CAPRIN1: variants seen among roughly 807,000 people sequenced by gnomAD.
CAPRIN1 encodes the protein cell cycle associated protein 1.
In CAPRIN1, 29 loss-of-function variants were observed where a neutral mutation model predicts 100.9. The ratio of observed to expected loss-of-function variants is 0.29; its 90% CI spans 0.21 to 0.39. The LOEUF (loss-of-function observed/expected upper bound fraction) is 0.39, where lower values mean the gene tolerates loss of function less well. Among genes scored for constraint, CAPRIN1 ranks in the 10% least tolerant of loss-of-function variants. The pLI, the probability that CAPRIN1 is intolerant of heterozygous loss-of-function variation, is 1.00. For missense variants in CAPRIN1, 795 were observed against 876.7 expected, an observed-to-expected ratio of 0.91 and a Z score of 1.18; for synonymous variants, 338 against 307.5, an observed-to-expected ratio of 1.10 and a Z score of -1.04.
chr11:34,072,576 G>A lies in CAPRIN1; in HGVS notation c.366+589G>A, dbSNP rs536374453. On this transcript the variant is annotated intron_variant, in intron 4 of 18. Coordinates refer to ENST00000341394, the MANE Select transcript of CAPRIN1 (RefSeq NM_005898.5). ...AATTGGTAATTATTCTCTGCTTTAG[G>A]AACCTTAAGGGGTATGGCAAACTGA... 5.3e-5 allele frequency among the ~76,000 whole-genome samples: 8 copies of A among 152,180 alleles called. No individual in the cohort carries two copies. In the South Asian group the frequency reaches 1.7e-3, roughly 32 times the overall value.
At chr11:34,095,617 G>C (rs186625312) in intron 15 of CAPRIN1, among the ~76,000 whole-genome samples, 9 of 152,344 alleles carry the variant, frequency 5.9e-5, no homozygotes, top group Non-Finnish European at 1.2e-4. Context: ...TTGGCCAGCA[G>C]CTTCTGACCC....
At chr11:34,092,336 A>G (rs1404793398) in intron 15 of CAPRIN1, among the ~76,000 whole-genome samples, 5 of 150,352 alleles carry the variant, frequency 3.3e-5, no homozygotes, top group Admixed American at 1.3e-4. Flanking sequence ...TAAATTTGTT[A>G]CTTGAATTAC....
intron 16 of CAPRIN1, among the ~76,000 whole-genome samples, chr11:34,096,955 G>A (rs2092572439): frequency 6.6e-6 from 1 of 152,162 alleles, no homozygotes; most frequent in African/African-American, 2.4e-5. Context: ...TACGGGGATT[G>A]TTTATTATAT....
At chr11:34,070,052 T>C (rs1052210747) in intron 2 of CAPRIN1, among the ~76,000 whole-genome samples, 1 of 152,244 alleles carries the variant, frequency 6.6e-6, no homozygotes, top group Non-Finnish European at 1.5e-5. Flanking sequence ...AGGAACTATG[T>C]ATGTTCATAA....
Position 34,099,324 on chromosome 11 carries a change from C to T in CAPRIN1, c.2087C>T (p.Pro696Leu). Residue 696 changes from proline to leucine, a missense_variant, in exon 19 of 19, where the codon CCC becomes CTC. Pro to Leu is a moderately conservative substitution (Grantham distance 98). Transcript: ENST00000341394. ...APRGRGGPPR[P>L]NRGMPQMNTQ... Reference sequence around the variant, plus strand: ...CTAGGTCGTGGAGGGCCCCCAAGACCCAACAGAGGGATGCCGCAAATGAAC... The same window carrying T: ...CTAGGTCGTGGAGGGCCCCCAAGACTCAACAGAGGGATGCCGCAAATGAAC... 1 of 1,613,666 alleles carries T rather than the reference C, an allele frequency of 6.2e-7. No homozygotes were observed. The highest frequency in any genetic ancestry group is 8.5e-7 in the Non-Finnish European group (1 of 1,179,764).
intron 2 of CAPRIN1, among the ~76,000 whole-genome samples, chr11:34,054,584 C>A (rs968110659): frequency 4.6e-5 from 7 of 152,062 alleles, no homozygotes; most frequent in Non-Finnish European, 8.8e-5. Flanking sequence ...CCTGCCACCA[C>A]GCCCAGCTAA....
At chr11:34,092,141 G>A (rs1851276346) in intron 15 of CAPRIN1, 85 bp downstream of exon 15, 1 of 1,357,852 alleles carries the variant, frequency 7.4e-7, no homozygotes, top group African/African-American at 1.5e-5. Context: ...CTTCAGAGTG[G>A]TGGTGTCCAA....
At chr11:34,082,717 G>A in intron 7 of CAPRIN1, 108 bp from the exon 8 acceptor site, 1 of 750,548 alleles carries the variant, frequency 1.3e-6, no homozygotes, top group Non-Finnish European at 2.3e-6. Flanking sequence ...ATAATTCTCT[G>A]GGTTTGGACA....
Position 34,069,075 on chromosome 11 carries a change from AT to A in CAPRIN1, c.217-2646del, listed in dbSNP as rs1459663443. Among the ~76,000 whole-genome samples, 3 of 151,498 alleles carry A rather than the reference AT, an allele frequency of 2.0e-5. No homozygotes were observed. In the East Asian group the frequency reaches 5.8e-4, roughly 29 times the overall value. Reference sequence around the variant, plus strand: ...CTATTTGCGTATTTTCTGTTTGTATATTTTTAAATAGAGGAATTGTGATTAT... The same window carrying A: ...CTATTTGCGTATTTTCTGTTTGTATATTTTAAATAGAGGAATTGTGATTAT... On this transcript the variant is annotated intron_variant, in intron 2 of 18. Transcript: ENST00000341394.
At position 34,079,648 on chromosome 11, in the gene CAPRIN1, G is replaced by T; in HGVS notation, c.709G>T (p.Val237Phe). ...CTTAGATAAAGTTCTAAAGGAAATT[G>T]TTGAGCGTGTTTTTCAGTCAAACTA... ...GTTYKVLKEI[V>F]ERVFQSNYFD... Residue 237 changes from valine (V) to phenylalanine (F), a missense_variant, in exon 7 of 19, where the codon GTT becomes TTT. Physicochemically the swap from Val to Phe is conservative, Grantham distance 50 (BLOSUM62 -1). Around this residue, in one of 3 missense-constraint regions of CAPRIN1, gnomAD observed 648 missense variants for 697.9 expected, o/e 0.93. Transcript: ENST00000341394. 1 of 1,613,894 alleles carries T rather than the reference G, an allele frequency of 6.2e-7. No individual in the cohort carries two copies.
At chr11:34,072,622 C>T (rs1393135108) in intron 4 of CAPRIN1, among the ~76,000 whole-genome samples, 7 of 152,050 alleles carry the variant, frequency 4.6e-5, no homozygotes, top group Non-Finnish European at 8.8e-5. Flanking sequence ...TATCAGCACT[C>T]GATCCAACTT....
At chr11:34,094,022 TG>T (rs1273888597) in intron 15 of CAPRIN1, among the ~76,000 whole-genome samples, 1 of 152,192 alleles carries the variant, frequency 6.6e-6, no homozygotes, top group African/African-American at 2.4e-5. Flanking sequence ...ACTATATATA[TG>T]TGTATTTATG....
intron 11 of CAPRIN1, among the ~76,000 whole-genome samples, chr11:34,087,329 ATTTTTTT>A (rs5790975): frequency 2.1e-5 from 2 of 96,580 alleles, no homozygotes; most frequent in South Asian, 3.1e-4. Context: ...TATCTCTCAC[ATTTTTTT>A]TTTTTTTTTT....
intron 2 of CAPRIN1, among the ~76,000 whole-genome samples, chr11:34,058,273 A>T (rs909289606): frequency 6.6e-6 from 1 of 151,812 alleles, no homozygotes; most frequent in Non-Finnish European, 1.5e-5. Context: ...AGTAGCTGGG[A>T]TTACAGGTGC....
intron 2 of CAPRIN1, among the ~76,000 whole-genome samples, chr11:34,060,660 G>A (rs555790100): frequency 6.6e-6 from 1 of 152,220 alleles, no homozygotes; most frequent in Non-Finnish European, 1.5e-5. Context: ...TTAAAAGGAC[G>A]ACGGTAGAAA....
At chr11:34,079,231 C>T (rs1850963618) in intron 6 of CAPRIN1, among the ~76,000 whole-genome samples, 1 of 152,136 alleles carries the variant, frequency 6.6e-6, no homozygotes. Context: ...AAAACCTTGC[C>T]TCTACTGAAA....
At chr11:34,060,091 G>C (rs1052415281) in intron 2 of CAPRIN1, among the ~76,000 whole-genome samples, 1 of 150,632 alleles carries the variant, frequency 6.6e-6, no homozygotes, top group Non-Finnish European at 1.5e-5. Context: ...AGCTACTTGG[G>C]AGGCCGAGAC....
chr11:34,094,483 T>C (rs977376907), intron 15 of CAPRIN1, among the ~76,000 whole-genome samples: 3 of 152,190 alleles, frequency 2.0e-5, no homozygotes, highest in South Asian at 4.1e-4. Context: ...AGTTTATACT[T>C]TACCAAAATT....
intron 15 of CAPRIN1, among the ~76,000 whole-genome samples, chr11:34,093,009 C>T (rs1236310777): frequency 2.0e-5 from 3 of 151,712 alleles, no homozygotes; most frequent in African/African-American, 7.3e-5. Context: ...CAGGTGCTTA[C>T]CGCCATGGCT....
Sources: gnomAD v4.1 joint callset for allele counts (sites outside exome capture counted in the v4.1 genomes callset) on GRCh38, gnomAD v4.1.1 for gene constraint, gnomAD v4.1.1 regional missense constraint, MANE v1.5 for transcripts, NCBI Gene and HGNC (gene_info 2026-07-23, HGNC 2026-07-21) for gene names.